DIS3L2: variants seen among roughly 807,000 people sequenced by gnomAD.
DIS3L2 encodes DIS3-like exonuclease 2.
A neutral mutation model predicts 97.5 loss-of-function variants in DIS3L2; 34 were observed. That is an observed-to-expected ratio of 0.35 (90% CI 0.27 to 0.46). DIS3L2 has a LOEUF of 0.46. Ranked by LOEUF, DIS3L2 falls within the 20% of genes least tolerant of loss-of-function variation. DIS3L2 has a pLI of 1.00. For synonymous variants in DIS3L2, 435 were observed against 445.2 expected, an observed-to-expected ratio of 0.98 and a Z score of 0.29; for missense variants, 1,038 against 1,146.0, an observed-to-expected ratio of 0.91 and a Z score of 1.36.
chr2:232,188,462 C>A (rs935924336), intron 9 of DIS3L2, among the ~76,000 whole-genome samples: 4 of 152,120 alleles, frequency 2.6e-5, no homozygotes, highest in Non-Finnish European at 2.9e-5. Context: ...GAGGAGCAAA[C>A]GCAGTTCAAT....
intron 1 of DIS3L2, among the ~76,000 whole-genome samples, chr2:231,989,641 C>T (rs1241533647): frequency 3.3e-5 from 5 of 152,018 alleles, no homozygotes; most frequent in Admixed American, 1.3e-4. Flanking sequence ...TGAGGCCAGC[C>T]TGGGCAACAT....
chr2:232,246,976 A>G (rs4973513), intron 11 of DIS3L2, among the ~76,000 whole-genome samples: 103,892 of 151,500 alleles, frequency 0.69, 37,229 homozygotes, highest in African/African-American at 0.89. Context: ...TCTGTTCCAG[A>G]TTCTAGTTCT....
chr2:232,278,382 G>C (rs967843509), intron 13 of DIS3L2, among the ~76,000 whole-genome samples: 2 of 152,052 alleles, frequency 1.3e-5, no homozygotes, highest in African/African-American at 4.8e-5. Flanking sequence ...CAAGCTACAC[G>C]TATAGTCATG....
chr2:232,267,263 G>T (rs1416841100), intron 13 of DIS3L2, among the ~76,000 whole-genome samples: 1 of 152,172 alleles, frequency 6.6e-6, no homozygotes, highest in Non-Finnish European at 1.5e-5. Context: ...TAGAACTGTG[G>T]TGGGAAACAG....
Position 232,087,421 on chromosome 2 carries a change from G to C in DIS3L2, c.367-66G>C. 3.9e-6 allele frequency: 5 copies of C among 1,287,324 alleles called. No homozygotes were observed. The South Asian group carries it at 5.9e-5, about 15-fold the overall frequency. The allele number at this position is 1,287,324 out of a possible 1,614,324, so 79.7% of individuals were successfully genotyped here. ...AATATGCAGTTTCTTCCTTAGAAAA[G>C]AAAAATCTGCTCTTTTTTTTTTTTC... On this transcript the variant is annotated intron_variant, in intron 5 of 20. Transcript: ENST00000325385.
intron 9 of DIS3L2, among the ~76,000 whole-genome samples, chr2:232,189,134 G>A (rs769111359): frequency 6.6e-5 from 10 of 152,150 alleles, no homozygotes; most frequent in South Asian, 2.1e-4. Context: ...AAACGTTGCC[G>A]GTGGAAATGT....
chr2:232,157,849 C>T lies in DIS3L2; in HGVS notation c.951-5610C>T, dbSNP rs112904833. 1.6e-4 allele frequency among the ~76,000 whole-genome samples: 24 copies of T among 152,240 alleles called. 2 individuals carry two copies. The highest frequency in any genetic ancestry group is 5.8e-4 in the African/African-American group (24 of 41,534). ...GCTGCCTTGTGCTTTGTTCCTATGT[C>T]CCTTGAGCAAGCACTGCAGCGATGG... On this transcript the variant is annotated intron_variant, in intron 8 of 20. Coordinates refer to ENST00000325385, the MANE Select transcript of DIS3L2 (RefSeq NM_152383.5).
At chr2:232,197,835 A>G (rs1250226671) in intron 9 of DIS3L2, among the ~76,000 whole-genome samples, 1 of 151,836 alleles carries the variant, frequency 6.6e-6, no homozygotes, top group African/African-American at 2.4e-5. Flanking sequence ...GTGTGGTGGC[A>G]CGTGCTCCTA....
intron 13 of DIS3L2, among the ~76,000 whole-genome samples, chr2:232,277,987 G>C (rs568941206): frequency 6.2e-5 from 8 of 128,198 alleles, no homozygotes; most frequent in African/African-American, 2.7e-4. Flanking sequence ...GGGGCCCATC[G>C]TTGGCCAAAA....
chr2:232,142,024 T>A (rs1027513661), intron 8 of DIS3L2, among the ~76,000 whole-genome samples: 1 of 152,206 alleles, frequency 6.6e-6, no homozygotes, highest in African/African-American at 2.4e-5. Context: ...GAAAAATAAC[T>A]GTATCCAATC....
intron 5 of DIS3L2, among the ~76,000 whole-genome samples, chr2:232,079,821 C>A (rs149852542): frequency 2.0e-5 from 3 of 151,912 alleles, no homozygotes; most frequent in Admixed American, 2.0e-4. Flanking sequence ...GTGAAAAAGC[C>A]CTAAGATGGA....
intron 13 of DIS3L2, among the ~76,000 whole-genome samples, chr2:232,299,206 C>T (rs1382728593): frequency 3.9e-5 from 6 of 152,172 alleles, no homozygotes; most frequent in African/African-American, 1.2e-4. Flanking sequence ...TCACTCTATC[C>T]CAGCCCCCCT....
intron 3 of DIS3L2, among the ~76,000 whole-genome samples, chr2:232,021,581 G>C (rs1322267653): frequency 6.6e-6 from 1 of 152,024 alleles, no homozygotes; most frequent in Non-Finnish European, 1.5e-5. Flanking sequence ...CTTCAACATG[G>C]ATGTGAAGTC....
At chr2:231,967,513 G>A (rs1692757078) in intron 1 of DIS3L2, among the ~76,000 whole-genome samples, 2 of 152,164 alleles carry the variant, frequency 1.3e-5, no homozygotes, top group Admixed American at 1.3e-4. Context: ...ACTTTTAAAA[G>A]GTTGAATGCA....
In DIS3L2 at chr2:232,078,013, C is replaced by CTT. The variant is rs1330193550; in HGVS notation, c.367-9472_367-9471dup. 3.5e-3 allele frequency among the ~76,000 whole-genome samples: 298 copies of CTT among 85,504 alleles called. 1 individual carries two copies. The highest frequency in any genetic ancestry group is 5.9e-3 in the Non-Finnish European group (251 of 42,332). The allele number at this position is 85,504 out of a possible 152,430, so 56.1% of individuals were successfully genotyped here. A position where few individuals can be genotyped will look rare whatever the true frequency, so the allele number is the denominator to read the frequency against. On this transcript the variant is annotated intron_variant, in intron 5 of 20. Transcript: ENST00000325385. ...TCTTTCTTTCTTTCTTTCTTTCTTT[C>CTT]TTTCTTTTTCTCTTTCTCTTTCTCT...
chr2:232,028,004 T>C (rs1333723411), intron 4 of DIS3L2, among the ~76,000 whole-genome samples: 1 of 152,192 alleles, frequency 6.6e-6, no homozygotes, highest in Non-Finnish European at 1.5e-5. Context: ...TAAGAAGCTC[T>C]CTAACTTTTT....
At chr2:232,166,140 G>T (rs1237226999) in intron 9 of DIS3L2, among the ~76,000 whole-genome samples, 2 of 151,588 alleles carry the variant, frequency 1.3e-5, no homozygotes, top group South Asian at 2.1e-4. Context: ...GCACAGTGGT[G>T]TGTGCCTACT....
intron 9 of DIS3L2, among the ~76,000 whole-genome samples, chr2:232,196,568 T>C (rs1691763439): frequency 2.6e-5 from 4 of 152,062 alleles, no homozygotes; most frequent in African/African-American, 9.7e-5. Context: ...CCAGTGACCA[T>C]AGGATTAAAA....
intron 5 of DIS3L2, among the ~76,000 whole-genome samples, chr2:232,049,771 A>T (rs567619242): frequency 2.0e-5 from 3 of 152,042 alleles, no homozygotes; most frequent in African/African-American, 7.2e-5. Context: ...TGGTTTTATC[A>T]TCTTCAGTAT....
Sources: gnomAD v4.1 joint callset for allele counts (sites outside exome capture counted in the v4.1 genomes callset) on GRCh38, gnomAD v4.1.1 for gene constraint, MANE v1.5 for transcripts, NCBI Gene and HGNC (gene_info 2026-07-23, HGNC 2026-07-21) for gene names.